The following GALNT5 variants were observed in gnomAD, a reference collection of about 807,000 sequenced individuals.
The protein encoded by GALNT5 is UDP-GalNAc:polypeptide N-acetylgalactosaminyltransferase 5.
In GALNT5, 72 loss-of-function variants were observed where a neutral mutation model predicts 85.4. That is an observed-to-expected ratio of 0.84 (90% confidence interval 0.70 to 1.03). GALNT5 has a LOEUF of 1.03. GALNT5 is among the 50% of genes least tolerant of loss of function. GALNT5 has a pLI of 0.00. For missense variants in GALNT5, 1,137 were observed against 1,135.5 expected (o/e 1.00, Z -0.02); for synonymous variants, 404 against 397.0 (o/e 1.02, Z -0.21).
intron 1 of GALNT5, among the ~76,000 whole-genome samples, chr2:157,283,453 A>C (rs1257160899): frequency 6.6e-6 from 1 of 152,212 alleles, no homozygotes; most frequent in Non-Finnish European, 1.5e-5. Flanking sequence ...ACCCACCTGA[A>C]TACTAACTCC....
At chr2:157,263,297 T>C (rs1370275042) in intron 1 of GALNT5, among the ~76,000 whole-genome samples, 1 of 152,212 alleles carries the variant, frequency 6.6e-6, no homozygotes, top group Non-Finnish European at 1.5e-5. Context: ...TCTTTGCTCT[T>C]CTCCACCCTT....
At chr2:157,275,728 G>C (rs938445190) in intron 1 of GALNT5, among the ~76,000 whole-genome samples, 3 of 152,200 alleles carry the variant, frequency 2.0e-5, no homozygotes, top group Admixed American at 6.5e-5. Flanking sequence ...ATTTTGGGCT[G>C]AAACAATGGA....
chr2:157,271,273 AAAG>A (rs1682578248), intron 1 of GALNT5, among the ~76,000 whole-genome samples: 1 of 152,216 alleles, frequency 6.6e-6, no homozygotes, highest in Admixed American at 6.5e-5. Context: ...CAGGGAACTG[AAAG>A]AAGGCCAAGG....
chr2:157,268,539 T>C (rs912612348), intron 1 of GALNT5, among the ~76,000 whole-genome samples: 1 of 152,228 alleles, frequency 6.6e-6, no homozygotes, highest in African/African-American at 2.4e-5. Flanking sequence ...GATGAAGGCA[T>C]TGTAATCTTC....
At chr2:157,274,682 T>C (rs2105130279) in intron 1 of GALNT5, among the ~76,000 whole-genome samples, 1 of 152,278 alleles carries the variant, frequency 6.6e-6, no homozygotes, top group South Asian at 2.1e-4. Flanking sequence ...GGTTGTTTGT[T>C]TTTTTTCTTG....
rs926573069 is a variant in GALNT5, at chr2:157,312,930, T to A, written c.*1582T>A. ...GTTGAGATGATTGTGAAACTAGGTA[T>A]CTTTCATTCTGACTCCTAGTTTAAC... On this transcript the variant is annotated 3_prime_UTR_variant, in exon 10 of 10. Transcript: ENST00000259056. The A allele has an allele frequency of 6.6e-6, 1 of 152,190 alleles. No homozygotes were observed. The highest frequency in any genetic ancestry group is 1.5e-5 in the Non-Finnish European group (1 of 68,006). The allele number at this position is 152,190 out of a possible 1,614,324, so 9.4% of individuals were successfully genotyped here.
At chr2:157,262,646 C>A (rs1346368468) in intron 1 of GALNT5, among the ~76,000 whole-genome samples, 2 of 135,554 alleles carry the variant, frequency 1.5e-5, no homozygotes, top group African/African-American at 3.6e-5. Context: ...ACAACAACAA[C>A]AACAACAACA....
intron 1 of GALNT5, among the ~76,000 whole-genome samples, chr2:157,262,923 G>T (rs547862323): frequency 6.7e-6 from 1 of 148,362 alleles, no homozygotes; most frequent in East Asian, 2.0e-4. Context: ...CGCCTCCGGG[G>T]TTCACACCAT....
intron 1 of GALNT5, among the ~76,000 whole-genome samples, chr2:157,262,574 G>A (rs1682367903): frequency 1.3e-5 from 2 of 148,580 alleles, no homozygotes; most frequent in South Asian, 4.1e-4. Context: ...AGCGGTCGAG[G>A]TTGCAGTGAA....
chr2:157,293,629 C>T (rs1257775140), intron 3 of GALNT5, among the ~76,000 whole-genome samples: 3 of 152,166 alleles, frequency 2.0e-5, no homozygotes, highest in Admixed American at 6.5e-5. Flanking sequence ...CTACATGGAG[C>T]GGGTTTGCTT....
chr2:157,307,094 C>T (rs1683469799), intron 8 of GALNT5, among the ~76,000 whole-genome samples: 1 of 151,644 alleles, frequency 6.6e-6, no homozygotes, highest in African/African-American at 2.4e-5. Flanking sequence ...AAATTCTATT[C>T]TTGATGACCA....
chr2:157,295,096 C>A (rs1683186190), intron 3 of GALNT5, among the ~76,000 whole-genome samples: 1 of 152,048 alleles, frequency 6.6e-6, no homozygotes, highest in Admixed American at 6.6e-5. Context: ...TGTGCAGTCT[C>A]CACGACTCTT....
chr2:157,268,536 G>A (rs886725560), intron 1 of GALNT5, among the ~76,000 whole-genome samples: 40 of 152,160 alleles, frequency 2.6e-4, no homozygotes, highest in Admixed American at 2.5e-3. Flanking sequence ...TGTGATGAAG[G>A]CATTGTAATC....
chr2:157,280,993 C>A (rs952406074), intron 1 of GALNT5, among the ~76,000 whole-genome samples: 3 of 152,182 alleles, frequency 2.0e-5, no homozygotes, highest in African/African-American at 7.2e-5. Context: ...TCCTGTACAG[C>A]CTGCAGAACC....
At chr2:157,304,139 GC>G (rs1348559879) in intron 7 of GALNT5, among the ~76,000 whole-genome samples, 5 of 152,110 alleles carry the variant, frequency 3.3e-5, no homozygotes, top group African/African-American at 1.2e-4. Flanking sequence ...CTTCCTTTAA[GC>G]CCCGAGATTA....
chr2:157,274,710 T>A (rs1217527553), intron 1 of GALNT5, among the ~76,000 whole-genome samples: 1 of 152,172 alleles, frequency 6.6e-6, no homozygotes, highest in African/African-American at 2.4e-5. Context: ...GTTTGAGTTC[T>A]TTGTAGATTC....
intron 1 of GALNT5, among the ~76,000 whole-genome samples, chr2:157,264,637 T>C (rs956394725): frequency 6.6e-6 from 1 of 152,094 alleles, no homozygotes; most frequent in South Asian, 2.1e-4. Context: ...GATAGCACCA[T>C]GCATTTGCCA....
chr2:157,261,229 ACACTG>A lies in GALNT5; in HGVS notation c.1454+1697_1454+1701del, dbSNP rs1417322229. ...GCTAGGGAGTCTGGGGAGGAATTAG[ACACTG>A]CACAGAAGCACAAGCTCCAGTTCCA... On this transcript the variant is annotated intron_variant, in intron 1 of 9. Coordinates refer to ENST00000259056, the MANE Select transcript of GALNT5 (RefSeq NM_014568.3). Among the ~76,000 whole-genome samples the A allele has an allele frequency of 3.3e-5, 5 of 152,112 alleles. No individual in the cohort carries two copies. The East Asian group carries it at 9.7e-4, about 30-fold the overall frequency.
Position 157,315,621 on chromosome 2 carries a change from T to G in GALNT5, c.*4273T>G, listed in dbSNP as rs976644020. Among the ~76,000 whole-genome samples the G allele has an allele frequency of 5.3e-5, 8 of 152,160 alleles. No homozygotes were observed. Among genetic ancestry groups the G allele is most frequent in the African/African-American group, 1.9e-4 (8 of 41,444 alleles). On this transcript the variant is annotated 3_prime_UTR_variant, in exon 10 of 10. Coordinates refer to ENST00000259056, the MANE Select transcript of GALNT5 (RefSeq NM_014568.3). ...ACCAATTGATGTGTAGGTATAAACA[T>G]GGCTACCCCCACATGTTTTGCTGTG...
Sources: gnomAD v4.1 joint callset for allele counts (sites outside exome capture counted in the v4.1 genomes callset) on GRCh38, gnomAD v4.1.1 for gene constraint, MANE v1.5 for transcripts, NCBI Gene and HGNC (gene_info 2026-07-23, HGNC 2026-07-21) for gene names.